CAMK2D: variants seen among roughly 807,000 people sequenced by gnomAD.
CAMK2D encodes the protein calcium/calmodulin-dependent protein kinase type II subunit delta.
A neutral mutation model predicts 84.0 loss-of-function variants in CAMK2D; 37 were observed. The ratio of observed to expected loss-of-function variants is 0.44; its 90% CI spans 0.34 to 0.58. The LOEUF (loss-of-function observed/expected upper bound fraction) is 0.58. CAMK2D is among the 20% of genes least tolerant of loss of function. The pLI is 0.02. For synonymous variants in CAMK2D, 202 were observed against 212.5 expected, an observed-to-expected ratio of 0.95 and a Z score of 0.43; for missense variants, 448 against 652.5, an observed-to-expected ratio of 0.69 and a Z score of 3.41.
chr4:113,512,705 T>C (rs960179594), intron 12 of CAMK2D, among the ~76,000 whole-genome samples: 1 of 152,196 alleles, frequency 6.6e-6, no homozygotes, highest in Non-Finnish European at 1.5e-5. Flanking sequence ...CCCAAGTAGC[T>C]GGGACAACAG....
At chr4:113,462,028 A>G (rs2097382351) in intron 17 of CAMK2D, among the ~76,000 whole-genome samples, 1 of 152,212 alleles carries the variant, frequency 6.6e-6, no homozygotes, top group Non-Finnish European at 1.5e-5. Flanking sequence ...TTTAAGCTTA[A>G]AATCAAATAT....
chr4:113,452,620 A>G lies in CAMK2D; in HGVS notation c.*1925T>C, dbSNP rs933558101. The stretch of plus-strand genomic sequence containing the variant: ...CGGAAGACAAACTTGATCTACAGTA[A>G]TACTTCAACACCACATGCTAAGTTA... On this transcript the variant is annotated 3_prime_UTR_variant, in exon 21 of 21. Coordinates refer to ENST00000511664, the MANE Select transcript of CAMK2D (RefSeq NM_001321571.2). 1 of 152,588 alleles carries G rather than the reference A, an allele frequency of 6.6e-6. No homozygotes were observed. Among genetic ancestry groups the G allele is most frequent in the Non-Finnish European group, 1.5e-5 (1 of 68,038 alleles). 9.5% of individuals were successfully genotyped at this position (152,588 alleles called of 1,614,324 possible).
chr4:113,494,389 G>A (rs997955938), intron 16 of CAMK2D, among the ~76,000 whole-genome samples: 14 of 152,148 alleles, frequency 9.2e-5, no homozygotes, highest in Non-Finnish European at 1.5e-4. Context: ...GTCTGTTGGA[G>A]TACCCTGCCG....
chr4:113,672,162 T>A (rs1011972), intron 2 of CAMK2D, among the ~76,000 whole-genome samples: 29,252 of 152,148 alleles, frequency 0.19, 3,212 homozygotes, highest in African/African-American at 0.3. Flanking sequence ...GTGAATAGAA[T>A]CTCATTTATA....
At chr4:113,645,685 C>G (rs942105087) in intron 3 of CAMK2D, among the ~76,000 whole-genome samples, 1 of 151,800 alleles carries the variant, frequency 6.6e-6, no homozygotes, top group Non-Finnish European at 1.5e-5. Flanking sequence ...CCAACCTTAT[C>G]TGAAAGGCTA....
At chr4:113,693,610 G>T (rs1452242042) in intron 2 of CAMK2D, among the ~76,000 whole-genome samples, 2 of 152,080 alleles carry the variant, frequency 1.3e-5, no homozygotes, top group African/African-American at 4.8e-5. Context: ...CACCTGGGAT[G>T]GAAATGTTTG....
intron 2 of CAMK2D, among the ~76,000 whole-genome samples, chr4:113,692,427 T>C (rs1350833080): frequency 6.6e-6 from 1 of 152,126 alleles, no homozygotes; most frequent in Non-Finnish European, 1.5e-5. Flanking sequence ...ATACAAAACA[T>C]ACATGCACAA....
At chr4:113,560,944 TTCTGTGGGTCAGAGAA>T (rs927932257) in intron 4 of CAMK2D, among the ~76,000 whole-genome samples, 1 of 152,154 alleles carries the variant, frequency 6.6e-6, no homozygotes, top group African/African-American at 2.4e-5. Context: ...AATGAATTCC[TTCTGTGGGTCAGAGAA>T]ACTTTCATAG....
At position 113,492,268 on chromosome 4, in the gene CAMK2D, T is replaced by G. The variant is rs61213410; in HGVS notation, c.1135+8195A>C. 7.4e-3 allele frequency among the ~76,000 whole-genome samples: 1,124 copies of G among 152,318 alleles called. 15 individuals are homozygous for G. The highest frequency in any genetic ancestry group is 0.026 in the African/African-American group (1,067 of 41,552). On this transcript the variant is annotated intron_variant, in intron 16 of 20. Transcript: ENST00000511664. ...ATTTTGGATCTTTCCTGCTTTCTCT[T>G]TTTGGCATTTAGTGCTATAAATTTC...
intron 2 of CAMK2D, among the ~76,000 whole-genome samples, chr4:113,723,568 T>A (rs2099537441): frequency 6.6e-6 from 1 of 152,176 alleles, no homozygotes; most frequent in Admixed American, 6.5e-5. Flanking sequence ...CAAAGTAAAA[T>A]AAATCAGTGA....
intron 6 of CAMK2D, among the ~76,000 whole-genome samples, chr4:113,542,709 C>T (rs1004791404): frequency 1.4e-4 from 19 of 138,958 alleles, no homozygotes; most frequent in African/African-American, 2.3e-4. Flanking sequence ...AGCGAGATTC[C>T]GTCTCAAAAA....
At chr4:113,624,469 T>C (rs2099059436) in intron 3 of CAMK2D, among the ~76,000 whole-genome samples, 1 of 152,226 alleles carries the variant, frequency 6.6e-6, no homozygotes, top group Non-Finnish European at 1.5e-5. Flanking sequence ...TGAACATTCT[T>C]GCTCACTTGG....
At chr4:113,620,325 T>C (rs2099040250) in intron 3 of CAMK2D, among the ~76,000 whole-genome samples, 1 of 152,102 alleles carries the variant, frequency 6.6e-6, no homozygotes, top group South Asian at 2.1e-4. Flanking sequence ...CAGAGATTAT[T>C]AGAGAACAGG....
rs907276421 is a variant in CAMK2D at position 113,638,595 on chromosome 4, C to T, written c.220+23118G>A. On this transcript the variant is annotated intron_variant, in intron 3 of 20. Coordinates refer to ENST00000511664, the MANE Select transcript of CAMK2D (RefSeq NM_001321571.2). ...GGACCACTTTATAACCTTAGCAAAG[C>T]GGGGTTTAAGAAAATAATAGAGGAA... Among the ~76,000 whole-genome samples the T allele has an allele frequency of 5.9e-5, 9 of 152,044 alleles. No individual in the cohort carries two copies. In the South Asian group the frequency reaches 1.0e-3, roughly 18 times the overall value.
At chr4:113,694,703 A>T (rs2099397741) in intron 2 of CAMK2D, among the ~76,000 whole-genome samples, 1 of 152,202 alleles carries the variant, frequency 6.6e-6, no homozygotes, top group South Asian at 2.1e-4. Context: ...GTAATTTATA[A>T]GAACATTGTC....
chr4:113,635,806 C>A (rs2099107848), intron 3 of CAMK2D, among the ~76,000 whole-genome samples: 1 of 152,126 alleles, frequency 6.6e-6, no homozygotes, highest in Non-Finnish European at 1.5e-5. Flanking sequence ...TGTAGTTTAT[C>A]TGTAAAGGTT....
chr4:113,656,952 C>T (rs979762041), intron 3 of CAMK2D, among the ~76,000 whole-genome samples: 3 of 152,110 alleles, frequency 2.0e-5, no homozygotes, highest in South Asian at 2.1e-4. Context: ...GATTTCCCAC[C>T]TTTGATATCT....
At chr4:113,642,702 TG>T (rs1483300737) in intron 3 of CAMK2D, among the ~76,000 whole-genome samples, 2 of 152,218 alleles carry the variant, frequency 1.3e-5, no homozygotes, top group Non-Finnish European at 2.9e-5. Context: ...CTGTGGAAGC[TG>T]GTTAGAACAA....
intron 8 of CAMK2D, among the ~76,000 whole-genome samples, chr4:113,521,089 G>T (rs1038784027): frequency 6.6e-6 from 1 of 152,086 alleles, no homozygotes; most frequent in Non-Finnish European, 1.5e-5. Flanking sequence ...AGAAAATCTT[G>T]CTCCTTATCC....
Sources: gnomAD v4.1 joint callset for allele counts (sites outside exome capture counted in the v4.1 genomes callset) on GRCh38, gnomAD v4.1.1 for gene constraint, MANE v1.5 for transcripts, NCBI Gene and HGNC (gene_info 2026-07-23, HGNC 2026-07-21) for gene names.